The following NCS1 variants were observed in gnomAD, a reference collection of about 807,000 sequenced individuals.
The protein encoded by NCS1 is frequenin homolog.
In NCS1, 6 loss-of-function variants were observed where a neutral mutation model predicts 28.4. That is an observed-to-expected ratio of 0.21 (90% CI 0.12 to 0.42). NCS1 has a LOEUF of 0.42. Ranked by LOEUF, NCS1 falls within the 10% of genes least tolerant of loss-of-function variation. The pLI is 1.00. For synonymous variants in NCS1, 86 were observed against 99.3 expected (o/e 0.87, Z 0.79); for missense variants, 131 against 241.4 (o/e 0.54, Z 3.03).
chr9:130,205,390 G>GA (rs1251628184), intron 2 of NCS1, among the ~76,000 whole-genome samples: 9 of 151,976 alleles, frequency 5.9e-5, no homozygotes, highest in African/African-American at 2.2e-4. Context: ...AGCTTATAAA[G>GA]AAAAAAGCAA....
chr9:130,217,747 C>T (rs1833209354), intron 2 of NCS1, 85 bp from the exon 3 acceptor site: 2 of 1,597,706 alleles, frequency 1.3e-6, no homozygotes, highest in Admixed American at 3.3e-5. Flanking sequence ...CACAGCTTTC[C>T]TGGGCCCCGG....
At chr9:130,208,791 C>T (rs12000811) in intron 2 of NCS1, among the ~76,000 whole-genome samples, 2,418 of 152,144 alleles carry the variant, frequency 0.016, 44 homozygotes, top group African/African-American at 0.046. Context: ...CGGTGCCGTG[C>T]GGAGAATACG....
rs1419201713 is a variant in NCS1, at chr9:130,233,826, T to G, written c.*854T>G. 1 of 151,970 alleles carries G rather than the reference T, an allele frequency of 6.6e-6. No individual in the cohort carries two copies. The highest frequency in any genetic ancestry group is 1.5e-5 in the Non-Finnish European group (1 of 67,976). 9.4% of individuals were successfully genotyped at this position (151,970 alleles called of 1,614,324 possible). A position where few individuals can be genotyped will look rare whatever the true frequency, so the allele number is the denominator to read the frequency against. On this transcript the variant is annotated 3_prime_UTR_variant, in exon 8 of 8. Transcript: ENST00000372398. This position sits in a 1 kb window ranked among gnomAD's most constrained non-coding sequence, Gnocchi z 4.8. The stretch of plus-strand genomic sequence containing the variant: ...TTTTTTTTTCAGATACTGTGCTTGA[T>G]TTTTGGAGAGGGGAGAGGTGGAAAT...
At chr9:130,197,319 A>G (rs879992615) in intron 1 of NCS1, among the ~76,000 whole-genome samples, 1 of 152,202 alleles carries the variant, frequency 6.6e-6, no homozygotes, top group Admixed American at 6.5e-5. Context: ...AGGTAAGTAA[A>G]AGCAAATTGA....
At chr9:130,195,710 C>T (rs1445166598) in intron 1 of NCS1, among the ~76,000 whole-genome samples, 1 of 152,250 alleles carries the variant, frequency 6.6e-6, no homozygotes, top group Non-Finnish European at 1.5e-5. Context: ...GGGCATGAGC[C>T]ACCGCGCTCG....
rs1006515115 is a variant in NCS1, at chr9:130,223,849, T to C, written c.474+690T>C. The stretch of plus-strand genomic sequence containing the variant: ...CAGGCCCAAGGTTAAGAAACCCTTC[T>C]CTTTTTTTTTGAGACAGAATCTTCG... On this transcript the variant is annotated intron_variant, in intron 6 of 7. Transcript: ENST00000372398. Among the ~76,000 whole-genome samples the C allele has an allele frequency of 2.6e-5, 4 of 152,102 alleles. No homozygotes were observed. In the East Asian group the frequency reaches 7.8e-4, roughly 30 times the overall value.
chr9:130,176,979 G>T (rs1832580872), intron 1 of NCS1, among the ~76,000 whole-genome samples: 1 of 152,198 alleles, frequency 6.6e-6, no homozygotes, highest in African/African-American at 2.4e-5. Context: ...GATGTTTGCG[G>T]TCCTTCCCAG....
intron 1 of NCS1, among the ~76,000 whole-genome samples, chr9:130,188,256 G>C (rs1200672961): frequency 6.6e-6 from 1 of 152,196 alleles, no homozygotes; most frequent in Non-Finnish European, 1.5e-5. Context: ...AACTCGCCAG[G>C]CTCTGGATGG....
Position 130,223,161 on chromosome 9 carries a change from T to C in NCS1, c.474+2T>C. On this transcript the variant is annotated splice_donor_variant, in intron 6 of 7. Coordinates refer to ENST00000372398, the MANE Select transcript of NCS1 (RefSeq NM_014286.4). LOFTEE classifies it high-confidence loss of function. The stretch of plus-strand genomic sequence containing the variant: ...CGGATCTTTGCCATGATGGATAAGG[T>C]GAGGTGGGGGGGCGGGGCTGGTCCT... The C allele has an allele frequency of 6.8e-7, 1 of 1,464,004 alleles. No homozygotes were observed. The highest frequency in any genetic ancestry group is 9.3e-7 in the Non-Finnish European group (1 of 1,079,870). 90.7% of individuals were successfully genotyped at this position (1,464,004 alleles called of 1,614,324 possible).
At chr9:130,222,834 C>T (rs537873697) in intron 5 of NCS1, 96 bp downstream of exon 5, 251 of 1,297,274 alleles carry the variant, frequency 1.9e-4, no homozygotes, top group Non-Finnish European at 2.6e-4. Context: ...CATGCTCCTG[C>T]CCAGGGTGGA....
In NCS1 at chr9:130,219,848, C is replaced by T; in HGVS notation, c.307+45C>T. ...CCCTGTGTGGCAGCAGCTGGAGGGC[C>T]CAGGTCAGAGGGAGGCAGCCCTCGG... On this transcript the variant is annotated intron_variant, in intron 4 of 7. Transcript: ENST00000372398. This position sits in a 1 kb window ranked among gnomAD's most constrained non-coding sequence, Gnocchi z 5.7. The T allele has an allele frequency of 6.2e-7, 1 of 1,600,522 alleles. No homozygotes were observed. Among genetic ancestry groups the T allele is most frequent in the African/African-American group, 1.3e-5 (1 of 74,722 alleles).
chr9:130,223,573 A>G (rs1254316902), intron 6 of NCS1, among the ~76,000 whole-genome samples: 2 of 152,192 alleles, frequency 1.3e-5, no homozygotes, highest in Non-Finnish European at 2.9e-5. Flanking sequence ...CTGCTTTCTT[A>G]ACGCATTCAC....
At chr9:130,195,694 G>T (rs1317644228) in intron 1 of NCS1, among the ~76,000 whole-genome samples, 1 of 152,260 alleles carries the variant, frequency 6.6e-6, no homozygotes. Flanking sequence ...AAAGTGTTGG[G>T]ATTACGGGCA....
intron 1 of NCS1, among the ~76,000 whole-genome samples, chr9:130,199,693 C>T (rs979526387): frequency 1.3e-5 from 2 of 152,226 alleles, no homozygotes; most frequent in Admixed American, 6.5e-5. Context: ...GGCGCAGATT[C>T]GGGCTTGCGG....
At chr9:130,230,444 C>G (rs956879805) in intron 7 of NCS1, among the ~76,000 whole-genome samples, 2 of 152,106 alleles carry the variant, frequency 1.3e-5, no homozygotes, top group Non-Finnish European at 2.9e-5. Flanking sequence ...TGTGGTCACT[C>G]ACACCTATCA....
intron 5 of NCS1, 118 bp downstream of exon 5, chr9:130,222,856 C>A: frequency 9.1e-7 from 1 of 1,104,538 alleles, no homozygotes; most frequent in South Asian, 1.3e-5. Context: ...GCAGGGGTCA[C>A]TGGCTGAGCC....
chr9:130,235,118 T>G lies in NCS1; in HGVS notation c.*2146T>G, dbSNP rs1833562811. On this transcript the variant is annotated 3_prime_UTR_variant, in exon 8 of 8. Transcript: ENST00000372398. ...CTAGGACTGCACGCTGGCCCCACGG[T>G]AACCCCCCCTCCCCCACCAACATCC... is the stretch of plus-strand genomic sequence containing the variant. 7.1e-6 allele frequency: 1 copy of G among 141,634 alleles called. No individual in the cohort carries two copies. The highest frequency in any genetic ancestry group is 2.7e-5 in the African/African-American group (1 of 37,530). The allele number at this position is 141,634 out of a possible 1,614,324, so 8.8% of individuals were successfully genotyped here. A position where few individuals can be genotyped will look rare whatever the true frequency, so the allele number is the denominator to read the frequency against.
At position 130,215,407 on chromosome 9, in the gene NCS1, G is replaced by A. The variant is rs1554909214; in HGVS notation, c.90-2425G>A. On this transcript the variant is annotated intron_variant, in intron 2 of 7. Coordinates refer to ENST00000372398, the MANE Select transcript of NCS1 (RefSeq NM_014286.4). The surrounding 1 kb of genome is among the most constrained non-coding windows in gnomAD (Gnocchi z 4.2). Reference sequence around the variant, plus strand: ...TTCTTGCTTGGCCAATCCAAGCAGGGGCTCAGAACAGACCTCAGGGCTGAG... The same window carrying A: ...TTCTTGCTTGGCCAATCCAAGCAGGAGCTCAGAACAGACCTCAGGGCTGAG... Among the ~76,000 whole-genome samples, 1 of 152,124 alleles carries A rather than the reference G, an allele frequency of 6.6e-6. No individual in the cohort carries two copies. The highest frequency in any genetic ancestry group is 1.9e-4 in the East Asian group (1 of 5,176).
intron 2 of NCS1, among the ~76,000 whole-genome samples, chr9:130,214,548 C>T (rs563040134): frequency 5.3e-5 from 8 of 152,102 alleles, no homozygotes; most frequent in East Asian, 1.9e-4. Flanking sequence ...GGAGGCGGGA[C>T]GAGGACTCAC....
Sources: allele counts gnomAD v4.1 joint callset (sites outside exome capture counted in the v4.1 genomes callset), GRCh38; gene constraint gnomAD v4.1.1; non-coding constraint Gnocchi (gnomAD v3.1); transcripts MANE v1.5; gene names NCBI Gene and HGNC (gene_info 2026-07-23, HGNC 2026-07-21).